The following PLXNA2 variants were observed in gnomAD, a reference collection of about 807,000 sequenced individuals.
The protein encoded by PLXNA2 is plexin A2, also known as plexin-A2.
A neutral mutation model predicts 193.5 loss-of-function variants in PLXNA2; 91 were observed. That is an observed-to-expected ratio of 0.47 (90% CI 0.40 to 0.56). The LOEUF (loss-of-function observed/expected upper bound fraction) is 0.56. PLXNA2 is among the 20% of genes least tolerant of loss of function. PLXNA2 has a pLI of 0.00. For synonymous variants in PLXNA2, 997 were observed against 1,027.3 expected (o/e 0.97, Z 0.56); for missense variants, 1,995 against 2,503.2 (o/e 0.80, Z 4.33).
intron 1 of PLXNA2, among the ~76,000 whole-genome samples, chr1:208,218,283 T>A (rs1374197046): frequency 1.3e-5 from 2 of 152,166 alleles, no homozygotes; most frequent in Admixed American, 6.5e-5. Flanking sequence ...ATCGTTTTCA[T>A]CTCCCAGAGA....
rs1283500411 is a variant in PLXNA2 at position 208,243,650 on chromosome 1, G to T, written c.-88C>A. On this transcript the variant is annotated 5_prime_UTR_variant, in exon 1 of 32. Coordinates refer to ENST00000367033, the MANE Select transcript of PLXNA2 (RefSeq NM_025179.4). ...GGCCCAGCCGCCGCTTACCCAGCTCGGCGACGTCGGTCTGTCCTTCCGTCC... is the reference window on the plus strand; with the variant it reads ...GGCCCAGCCGCCGCTTACCCAGCTCTGCGACGTCGGTCTGTCCTTCCGTCC... The T allele has an allele frequency of 1.3e-5, 2 of 152,254 alleles. No homozygotes were observed. The highest frequency in any genetic ancestry group is 3.9e-4 in the East Asian group (2 of 5,164). The allele number at this position is 152,254 out of a possible 1,614,324, so 9.4% of individuals were successfully genotyped here. A position where few individuals can be genotyped will look rare whatever the true frequency, so the allele number is the denominator to read the frequency against.
chr1:208,234,908 C>T (rs1389864248), intron 1 of PLXNA2, among the ~76,000 whole-genome samples: 1 of 152,136 alleles, frequency 6.6e-6, no homozygotes, highest in African/African-American at 2.4e-5. Context: ...ATGCACTTAC[C>T]CAATTTGGAC....
rs1224442443 is a variant in PLXNA2, at chr1:208,043,067, C to T, written c.4011G>A (p.Glu1337=). ...PGIEDHPVLR[E]LEVQGNGQQH... is the part of the protein sequence containing the mutation. ...CCCAGGAGGCAGGCATTACCTCCAG[C>T]TCCCGCAGGACGGGGTGGTCCTCGA... Residue 1337 remains glutamate, a synonymous_variant, in exon 21 of 32, where the codon GAG becomes GAA. Transcript: ENST00000367033. 6.2e-7 allele frequency: 1 copy of T among 1,613,522 alleles called. No individual in the cohort carries two copies. Among genetic ancestry groups the T allele is most frequent in the South Asian group, 1.1e-5 (1 of 91,060 alleles).
At chr1:208,220,777 C>T (rs1005148576) in intron 1 of PLXNA2, among the ~76,000 whole-genome samples, 5 of 152,128 alleles carry the variant, frequency 3.3e-5, no homozygotes, top group Admixed American at 1.3e-4. Context: ...GGAGATGGCA[C>T]TTCTGAAATC....
intron 17 of PLXNA2, 67 bp from the exon 18 acceptor site, chr1:208,046,184 G>A (rs1033874562): frequency 1.8e-5 from 27 of 1,527,742 alleles, no homozygotes; most frequent in Admixed American, 1.5e-4. Flanking sequence ...GCCCACAGCC[G>A]CTCTCCCACC....
At chr1:208,126,927 C>T (rs1323125487) in intron 4 of PLXNA2, among the ~76,000 whole-genome samples, 2 of 152,116 alleles carry the variant, frequency 1.3e-5, no homozygotes, top group Admixed American at 6.5e-5. Context: ...GGACAGGTGA[C>T]CTTTCCAATT....
At chr1:208,198,500 G>A (rs974790853) in intron 3 of PLXNA2, among the ~76,000 whole-genome samples, 1 of 152,232 alleles carries the variant, frequency 6.6e-6, no homozygotes, top group African/African-American at 2.4e-5. Context: ...CTGGAGAAAG[G>A]GGAGTCAGCT....
rs3811382 is a variant in PLXNA2, at chr1:208,030,137, T to C, written c.5226-1095A>G. 1,581 of 985,570 alleles carry C rather than the reference T, an allele frequency of 1.6e-3. 54 individuals carry two copies. The East Asian group carries it at 0.088, about 55-fold the overall frequency. The allele number at this position is 985,570 out of a possible 1,614,324, so 61.1% of individuals were successfully genotyped here. ...GCCTATCTTCCAAAACACAACAGGA[T>C]CCCTCACTTTCCTCTAGCCTGGGAG... On this transcript the variant is annotated intron_variant, in intron 29 of 31. Transcript: ENST00000367033.
intron 3 of PLXNA2, among the ~76,000 whole-genome samples, chr1:208,160,694 A>G (rs977604561): frequency 1.2e-4 from 19 of 152,256 alleles, no homozygotes; most frequent in East Asian, 9.6e-4. Flanking sequence ...AGGACCTGCT[A>G]TGTGCTAAGG....
At chr1:208,168,102 C>T (rs1280690770) in intron 3 of PLXNA2, among the ~76,000 whole-genome samples, 1 of 152,166 alleles carries the variant, frequency 6.6e-6, no homozygotes, top group Non-Finnish European at 1.5e-5. Flanking sequence ...GTTCCGCAAG[C>T]TTCTAGGGCT....
intron 3 of PLXNA2, chr1:208,209,983 A>ATTTTTTTTTTTTTTTT (rs1553297870): frequency 2.3e-5 from 2 of 87,950 alleles, no homozygotes; most frequent in South Asian, 2.5e-4. Context: ...ATGAAGAGCA[A>ATTTTTTTTTTTTTTTT]TTTTTTTTTT....
rs1435322271 is a variant in PLXNA2, at chr1:208,039,676, C to T, written c.4445G>A (p.Arg1482His). 2.5e-6 allele frequency: 4 copies of T among 1,614,088 alleles called. No individual in the cohort carries two copies. The highest frequency in any genetic ancestry group is 3.4e-6 in the Non-Finnish European group (4 of 1,180,054). ...GPIDAITGEA[R>H]YSLSEDKLIR... The stretch of plus-strand genomic sequence containing the variant: ...GAGCTTGTCCTCGCTCAGGGAGTAG[C>T]GGGCCTCGCCCGTGATGGCATCAAT... The change falls in exon 24 of 32, where the codon CGC (arginine) becomes CAC (histidine). Residue 1482 changes from arginine (R) to histidine (H), a missense_variant. By Grantham distance (29) the Arg-to-His change is conservative (BLOSUM62 0). Transcript: ENST00000367033.
At chr1:208,237,064 C>T (rs754890942) in intron 1 of PLXNA2, among the ~76,000 whole-genome samples, 7 of 152,190 alleles carry the variant, frequency 4.6e-5, no homozygotes, top group Non-Finnish European at 8.8e-5. Flanking sequence ...TCTCCATTAG[C>T]ATCCCTTACC....
intron 3 of PLXNA2, among the ~76,000 whole-genome samples, chr1:208,167,018 G>A (rs1255310588): frequency 6.6e-6 from 1 of 152,178 alleles, no homozygotes; most frequent in Non-Finnish European, 1.5e-5. Context: ...GCAGAGCTTG[G>A]GGCTACGTTG....
chr1:208,138,901 C>A (rs1668382881), intron 4 of PLXNA2, among the ~76,000 whole-genome samples: 1 of 152,148 alleles, frequency 6.6e-6, no homozygotes. Flanking sequence ...GTGGCATGTA[C>A]CTGTAATCCC....
rs754950904 is a variant in PLXNA2 at position 208,142,494 on chromosome 1, C to T, written c.1372-31G>A. ...TGAGAAACAAGGGTGTCCTCAGCAT[C>T]TGCCCTCAGTATTCCCCTGTGGGCT... On this transcript the variant is annotated intron_variant, in intron 3 of 31. Transcript: ENST00000367033. The T allele has an allele frequency of 1.9e-6, 3 of 1,575,584 alleles. No homozygotes were observed. In the South Asian group the frequency reaches 3.6e-5, roughly 19 times the overall value.
intron 17 of PLXNA2, among the ~76,000 whole-genome samples, chr1:208,049,827 A>G (rs187332503): frequency 1.6e-3 from 240 of 152,334 alleles, no homozygotes; most frequent in African/African-American, 5.6e-3. Flanking sequence ...TACCCTGGAA[A>G]TGTGTCAGGG....
intron 1 of PLXNA2, among the ~76,000 whole-genome samples, chr1:208,242,498 A>G (rs1284535410): frequency 2.6e-5 from 4 of 152,220 alleles, no homozygotes; most frequent in Non-Finnish European, 5.9e-5. Context: ...AGTCCCCTCA[A>G]ACTGATGCTG....
At chr1:208,116,116 T>C (rs1298505821) in intron 4 of PLXNA2, among the ~76,000 whole-genome samples, 2 of 152,184 alleles carry the variant, frequency 1.3e-5, no homozygotes, top group Non-Finnish European at 1.5e-5. Context: ...TGCTCATACA[T>C]TCCTGCTAAT....
Sources: gnomAD v4.1 joint callset for allele counts (sites outside exome capture counted in the v4.1 genomes callset) on GRCh38, gnomAD v4.1.1 for gene constraint, MANE v1.5 for transcripts, NCBI Gene and HGNC (gene_info 2026-07-23, HGNC 2026-07-21) for gene names.